The following LRRC37B variants were observed in gnomAD, a reference collection of about 807,000 sequenced individuals.
The protein encoded by LRRC37B is leucine rich repeat containing 37B.
A neutral mutation model predicts 98.3 loss-of-function variants in LRRC37B; 28 were observed. That is an observed-to-expected ratio of 0.28 (90% CI 0.21 to 0.39). LRRC37B has a LOEUF of 0.39. Ranked by LOEUF, LRRC37B falls within the 10% of genes least tolerant of loss-of-function variation. LRRC37B has a pLI of 1.00. For missense variants in LRRC37B, 938 were observed against 1,182.7 expected (o/e 0.79, Z 3.03); for synonymous variants, 364 against 442.7 (o/e 0.82, Z 2.23).
chr17:32,031,730 G>A (rs1427478905), intron 5 of LRRC37B, among the ~76,000 whole-genome samples: 1 of 151,600 alleles, frequency 6.6e-6, no homozygotes, highest in African/African-American at 2.4e-5. Flanking sequence ...TTGTTGCTGG[G>A]CAGGTGGCTC....
At chr17:32,053,055 G>C in intron 11 of LRRC37B, 1 of 557,874 alleles carries the variant, frequency 1.8e-6, no homozygotes, top group South Asian at 2.3e-5. Context: ...ATGGTGTGGG[G>C]GCGATATCCT....
rs578180803 is a variant in LRRC37B, at chr17:32,049,148, C to T, written c.2511C>T (p.Ile837=). Residue 837 remains isoleucine (I), a synonymous_variant, in exon 10 of 12, where the codon ATC becomes ATT. Transcript: ENST00000327564. Reference sequence around the variant, plus strand: ...TAACCGAGCAGCTACGGTCCCTCATCCCCAACGAGGATGTGAGAAAGTTCA... The same window carrying T: ...TAACCGAGCAGCTACGGTCCCTCATTCCCAACGAGGATGTGAGAAAGTTCA... 261 of 1,613,940 alleles carry T rather than the reference C, an allele frequency of 1.6e-4. No homozygotes were observed. The East Asian group carries it at 4.6e-3, about 29-fold the overall frequency.
At chr17:32,049,416 G>A (rs1355048471) in intron 10 of LRRC37B, 22 bp downstream of exon 13, 2 of 1,597,724 alleles carry the variant, frequency 1.3e-6, no homozygotes. Flanking sequence ...ACAGAAACAT[G>A]AGACCCAGAT....
At chr17:32,041,226 G>A (rs1235964680) in intron 7 of LRRC37B, 1 of 771,188 alleles carries the variant, frequency 1.3e-6, no homozygotes, top group Non-Finnish European at 2.4e-6. Context: ...CGGAGAGCCT[G>A]AGCAGTCCAA....
At chr17:32,011,179 A>G (rs1204564585) in intron 1 of LRRC37B, among the ~76,000 whole-genome samples, 3 of 151,446 alleles carry the variant, frequency 2.0e-5, no homozygotes, top group Admixed American at 1.3e-4. Context: ...GTATTTTTAG[A>G]AGAGACGGGG....
chr17:32,020,628 G>A (rs572123015), upstream of LRRC37B: 7 of 436,724 alleles, frequency 1.6e-5, no homozygotes, highest in South Asian at 6.5e-4. Context: ...AGCGAAAACG[G>A]CAACATTTTG....
chr17:32,035,133 A>G (rs925146707), intron 6 of LRRC37B, 152 bp downstream of exon 9: 80 of 635,106 alleles, frequency 1.3e-4, no homozygotes, highest in Non-Finnish European at 1.9e-4. Context: ...AAAAGGATTA[A>G]GAAAGGATGT....
intron 2 of LRRC37B, 68 bp from the exon 6 acceptor site, chr17:32,027,701 A>AG: frequency 1.5e-6 from 2 of 1,322,090 alleles, no homozygotes; most frequent in East Asian, 4.8e-5. Flanking sequence ...CACATGCAGG[A>AG]GATAGTCCTG....
chr17:32,016,555 A>G (rs143767983), upstream of LRRC37B, among the ~76,000 whole-genome samples: 1 of 152,324 alleles, frequency 6.6e-6, no homozygotes, highest in Non-Finnish European at 1.5e-5. Context: ...TAAGGGGAGT[A>G]TCCATTTTCT....
Position 32,034,891 on chromosome 17 carries a change from A to T in LRRC37B, c.2058-19A>T. The T allele has an allele frequency of 6.3e-7, 1 of 1,597,438 alleles. No individual in the cohort carries two copies. The highest frequency in any genetic ancestry group is 1.3e-5 in the African/African-American group (1 of 74,652). ...CACATTGAAAATGCAGGTAATTTTA[A>T]TTTCATTGCATTTTTCAGAATTCTC... On this transcript the variant is annotated intron_variant, in intron 5 of 11. Transcript: ENST00000327564.
chr17:32,020,932 G>A, upstream of LRRC37B: 4 of 1,442,616 alleles, frequency 2.8e-6, no homozygotes, highest in Non-Finnish European at 3.7e-6. Flanking sequence ...GGAGGGGAGG[G>A]GTGTTCCGGC....
At chr17:32,012,256 A>G (rs1179248738) in intron 1 of LRRC37B, among the ~76,000 whole-genome samples, 1 of 152,154 alleles carries the variant, frequency 6.6e-6, no homozygotes, top group Non-Finnish European at 1.5e-5. Flanking sequence ...AACGATTGTT[A>G]TGGGTTTGTT....
At chr17:32,043,022 T>C (rs1911487815) in intron 7 of LRRC37B, among the ~76,000 whole-genome samples, 1 of 151,956 alleles carries the variant, frequency 6.6e-6, no homozygotes, top group Non-Finnish European at 1.5e-5. Flanking sequence ...ATGCATTGGT[T>C]CTTAGGGGCT....
At chr17:32,032,978 A>G (rs568173340) in intron 5 of LRRC37B, among the ~76,000 whole-genome samples, 2 of 152,294 alleles carry the variant, frequency 1.3e-5, no homozygotes, top group African/African-American at 4.8e-5. Context: ...AGCCTGACCA[A>G]CATGGTGAAA....
chr17:32,026,748 A>C (rs908380877), intron 2 of LRRC37B, among the ~76,000 whole-genome samples: 4 of 152,254 alleles, frequency 2.6e-5, no homozygotes, highest in South Asian at 2.1e-4. Context: ...TTTTAAAAGC[A>C]AGAAAATCAT....
At chr17:32,022,549 A>T (rs1348926967) in exon 1 of LRRC37B, 6 of 1,613,884 alleles carry the variant, frequency 3.7e-6, no homozygotes, top group Non-Finnish European at 5.1e-6. Context: ...ACAGCCCTGG[A>T]GAAGACTAGA....
intron 4 of LRRC37B, 44 bp downstream of exon 7, chr17:32,030,771 AACTT>A (rs1351971422): frequency 4.0e-5 from 45 of 1,132,354 alleles, no homozygotes; most frequent in Non-Finnish European, 5.2e-5. Flanking sequence ...ATTTTTATAA[AACTT>A]AATTATAAAC....
chr17:32,031,411 C>A lies in LRRC37B; in HGVS notation c.2010C>A (p.Ser670Arg), dbSNP rs148845002. The change falls in exon 5 of 12, where the codon AGC becomes AGA. Residue 670 changes from serine (S) to arginine (R), a missense_variant. Around this residue, in one of 2 missense-constraint regions of LRRC37B, gnomAD observed 328 missense variants for 557.0 expected, o/e 0.59. Coordinates refer to ENST00000327564, the Ensembl canonical transcript of LRRC37B. ...GCTGCAATTTAATTACAAAACTGAG[C>A]CTTGGAACATTTCAGGCCTGGCACG... The A allele has an allele frequency of 1.2e-6, 2 of 1,610,450 alleles. No homozygotes were observed. The highest frequency in any genetic ancestry group is 8.5e-7 in the Non-Finnish European group (1 of 1,179,406).
intron 7 of LRRC37B, chr17:32,036,087 G>A (rs972674075): frequency 2.1e-4 from 33 of 156,838 alleles, no homozygotes; most frequent in Non-Finnish European, 3.8e-4. Context: ...TACGACCTCC[G>A]CCTCCCAGGT....
Sources: gnomAD v4.1 joint callset for allele counts (sites outside exome capture counted in the v4.1 genomes callset) on GRCh38, gnomAD v4.1.1 for gene constraint, gnomAD v4.1.1 regional missense constraint, MANE v1.5 for transcripts, NCBI Gene and HGNC (gene_info 2026-07-23, HGNC 2026-07-21) for gene names.